Variants in HMGB1 observed in about 807,000 individuals in gnomAD.
HMGB1 encodes the protein high mobility group box 1.
For missense variants in HMGB1, 79 were observed against 253.5 expected (o/e 0.31, Z 4.67); for synonymous variants, 81 against 84.0 (o/e 0.96, Z 0.19).
intron 4 of HMGB1, among the ~76,000 whole-genome samples, chr13:30,461,941 AAGGT>A (rs2137394479): frequency 6.6e-6 from 1 of 152,352 alleles, no homozygotes; most frequent in African/African-American, 2.4e-5. Flanking sequence ...TTAAAAAAAA[AAGGT>A]AATTTGTCAA....
At chr13:30,614,142 G>C (rs1032792618) in intron 1 of HMGB1, among the ~76,000 whole-genome samples, 4 of 152,096 alleles carry the variant, frequency 2.6e-5, no homozygotes, top group Admixed American at 6.5e-5. Flanking sequence ...AAATTTTTCT[G>C]AAAAATATAC....
intron 1 of HMGB1, among the ~76,000 whole-genome samples, chr13:30,603,794 T>C (rs1950426527): frequency 6.6e-6 from 1 of 152,224 alleles, no homozygotes; most frequent in African/African-American, 2.4e-5. Context: ...TCATCTCTAG[T>C]TTATAATACC....
chr13:30,501,916 A>G (rs766504969), intron 1 of HMGB1, among the ~76,000 whole-genome samples: 1 of 152,228 alleles, frequency 6.6e-6, no homozygotes, highest in Non-Finnish European at 1.5e-5. Context: ...TCATTTTCTC[A>G]TATTAGATAA....
chr13:30,483,124 A>G (rs1887273968), intron 1 of HMGB1, among the ~76,000 whole-genome samples: 1 of 152,060 alleles, frequency 6.6e-6, no homozygotes, highest in Non-Finnish European at 1.5e-5. Flanking sequence ...AATTGTCCTA[A>G]TGTTAAGATG....
chr13:30,560,279 G>A (rs1869892298), intron 1 of HMGB1, among the ~76,000 whole-genome samples: 1 of 152,194 alleles, frequency 6.6e-6, no homozygotes, highest in Non-Finnish European at 1.5e-5. Context: ...TGGTGGGGTG[G>A]TCAGCAGTGT....
Position 30,463,370 on chromosome 13 carries a change from G to C in HMGB1, c.151-18C>G. On this transcript the variant is annotated intron_variant, in intron 2 of 4. Transcript: ENST00000341423. ...GACATGGTCTACAAAATAATTATTT[G>C]TAAGTTTAAGTTGTAACATTTAAGT... 2 of 1,577,802 alleles carry C rather than the reference G, an allele frequency of 1.3e-6. No homozygotes were observed. The highest frequency in any genetic ancestry group is 1.7e-6 in the Non-Finnish European group (2 of 1,163,902).
chr13:30,561,010 T>G (rs533663343), intron 1 of HMGB1, among the ~76,000 whole-genome samples: 1 of 151,460 alleles, frequency 6.6e-6, no homozygotes, highest in African/African-American at 2.4e-5. Context: ...AAGAGTCAGA[T>G]GAGGATAGCT....
chr13:30,538,787 T>TTCTTTCTTCC (rs1555238949), intron 1 of HMGB1, among the ~76,000 whole-genome samples: 63 of 135,770 alleles, frequency 4.6e-4, no homozygotes, highest in African/African-American at 1.6e-3. Flanking sequence ...CCTTCTTTCT[T>TTCTTTCTTCC]TTTCTTTCTT....
At chr13:30,465,232 G>T (rs1886697265) in intron 1 of HMGB1, 2 of 349,334 alleles carry the variant, frequency 5.7e-6, no homozygotes, top group Admixed American at 7.2e-5. Flanking sequence ...GGCCGGCCGG[G>T]CCCGCACTGC....
In HMGB1 at chr13:30,536,576, C is replaced by T. The variant is rs191682534; in HGVS notation, c.-14-72882G>A. On this transcript the variant is annotated intron_variant, in intron 1 of 4. Coordinates refer to the HMGB1 transcript ENST00000405805. ...TGTTGGCCAGGCTGGTCTCGAACTCCTGACCTCAGGTGATCTGCCCACCTC... is the reference window on the plus strand; with the variant it reads ...TGTTGGCCAGGCTGGTCTCGAACTCTTGACCTCAGGTGATCTGCCCACCTC... 2.4e-3 allele frequency among the ~76,000 whole-genome samples: 364 copies of T among 152,290 alleles called. 1 individual carries two copies. Among genetic ancestry groups the T allele is most frequent in the African/African-American group, 7.9e-3 (327 of 41,566 alleles).
intron 1 of HMGB1, among the ~76,000 whole-genome samples, chr13:30,507,792 A>G (rs1342822593): frequency 6.6e-6 from 1 of 152,182 alleles, no homozygotes; most frequent in Non-Finnish European, 1.5e-5. Flanking sequence ...CTAGGAGTTC[A>G]TGACCAGCCT....
At chr13:30,594,944 C>T (rs1871537427) in intron 1 of HMGB1, among the ~76,000 whole-genome samples, 1 of 152,132 alleles carries the variant, frequency 6.6e-6, no homozygotes, top group Non-Finnish European at 1.5e-5. Context: ...TTTGGCTTTG[C>T]ATCCAAATGA....
intron 1 of HMGB1, among the ~76,000 whole-genome samples, chr13:30,534,575 A>G (rs1262543986): frequency 2.3e-5 from 3 of 128,570 alleles, no homozygotes; most frequent in African/African-American, 5.8e-5. Flanking sequence ...CTTTTTTTCT[A>G]TGTTGTTAAT....
upstream of HMGB1, among the ~76,000 whole-genome samples, chr13:30,468,413 C>G (rs1421176530): frequency 6.6e-6 from 1 of 152,132 alleles, no homozygotes; most frequent in African/African-American, 2.4e-5. Flanking sequence ...CGCCACCATG[C>G]CCGGCTAATT....
At chr13:30,495,204 C>T (rs1887582645) in intron 1 of HMGB1, among the ~76,000 whole-genome samples, 1 of 152,230 alleles carries the variant, frequency 6.6e-6, no homozygotes, top group South Asian at 2.1e-4. Context: ...TTTTCTCACG[C>T]ACCTTCTAGC....
At chr13:30,505,276 T>C (rs572410551) in intron 1 of HMGB1, among the ~76,000 whole-genome samples, 1 of 152,202 alleles carries the variant, frequency 6.6e-6, no homozygotes, top group Admixed American at 6.5e-5. Context: ...CCTCCTGGGT[T>C]CAAACGATTC....
intron 1 of HMGB1, chr13:30,464,371 G>A (rs1886572938): frequency 1.0e-6 from 1 of 985,450 alleles, no homozygotes; most frequent in Non-Finnish European, 1.2e-6. Context: ...CAAGGATGAG[G>A]GACAAAAGCC....
chr13:30,579,549 TTAGA>T (rs1360815818), intron 1 of HMGB1, among the ~76,000 whole-genome samples: 1 of 152,172 alleles, frequency 6.6e-6, no homozygotes, highest in East Asian at 1.9e-4. Context: ...AGTAAATGTG[TTAGA>T]TAGACTGAAT....
At chr13:30,522,563 G>A (rs1183869444) in intron 1 of HMGB1, among the ~76,000 whole-genome samples, 1 of 152,080 alleles carries the variant, frequency 6.6e-6, no homozygotes, top group African/African-American at 2.4e-5. Flanking sequence ...ATGCTGTCAG[G>A]ACATAGTATG....
Sources: gnomAD v4.1 joint callset for allele counts (sites outside exome capture counted in the v4.1 genomes callset) on GRCh38, gnomAD v4.1.1 for gene constraint, MANE v1.5 for transcripts, NCBI Gene and HGNC (gene_info 2026-07-23, HGNC 2026-07-21) for gene names.